The following BICD1 variants were observed in gnomAD, a reference collection of about 807,000 sequenced individuals.
BICD1 encodes protein bicaudal D homolog 1.
In BICD1, 35 loss-of-function variants were observed where a neutral mutation model predicts 92.5. That is an observed-to-expected ratio of 0.38 (90% CI 0.29 to 0.50). The LOEUF (loss-of-function observed/expected upper bound fraction) is 0.50. Ranked by LOEUF, BICD1 falls within the 20% of genes least tolerant of loss-of-function variation. The pLI is 0.93. For missense variants in BICD1, 950 were observed against 1,189.8 expected, an observed-to-expected ratio of 0.80 and a Z score of 2.97; for synonymous variants, 429 against 465.1, an observed-to-expected ratio of 0.92 and a Z score of 1.00.
rs1182137507 is a variant in BICD1, at chr12:32,383,600, C to T, written c.*5973C>T. The stretch of plus-strand genomic sequence containing the variant: ...ATATGGTGTAATGCATAACTTTTTC[C>T]AGTAAATAAACTGGTTATTTTTTGT... On this transcript the variant is annotated 3_prime_UTR_variant, in exon 10 of 10. Coordinates refer to ENST00000652176, the MANE Select transcript of BICD1 (RefSeq NM_001714.4). 1 of 152,080 alleles carries T rather than the reference C, an allele frequency of 6.6e-6. No individual in the cohort carries two copies. Among genetic ancestry groups the T allele is most frequent in the Non-Finnish European group, 1.5e-5 (1 of 68,000 alleles). The allele number at this position is 152,080 out of a possible 1,614,324, so 9.4% of individuals were successfully genotyped here.
chr12:32,287,626 T>C (rs903081755), intron 2 of BICD1, among the ~76,000 whole-genome samples: 3 of 151,012 alleles, frequency 2.0e-5, no homozygotes, highest in Non-Finnish European at 4.4e-5. Context: ...AAGCTCTGCC[T>C]CCTGGGTTCA....
At chr12:32,234,746 G>T (rs2136066911) in intron 2 of BICD1, among the ~76,000 whole-genome samples, 1 of 147,024 alleles carries the variant, frequency 6.8e-6, no homozygotes, top group Middle Eastern at 3.6e-3. Context: ...CACAATTTTG[G>T]CTTGCTGCAA....
At chr12:32,373,280 T>G (rs1242336352) in intron 9 of BICD1, among the ~76,000 whole-genome samples, 1 of 152,180 alleles carries the variant, frequency 6.6e-6, no homozygotes, top group African/African-American at 2.4e-5. Flanking sequence ...TGATTATAAT[T>G]TATCAAATAT....
intron 8 of BICD1, among the ~76,000 whole-genome samples, chr12:32,361,042 T>C (rs778802008): frequency 2.0e-5 from 3 of 152,180 alleles, no homozygotes; most frequent in African/African-American, 7.2e-5. Context: ...GAAATAGCAG[T>C]GTGATGTGGC....
chr12:32,331,005 G>A (rs2136269735), intron 5 of BICD1, among the ~76,000 whole-genome samples: 1 of 152,240 alleles, frequency 6.6e-6, no homozygotes, highest in Middle Eastern at 3.4e-3. Context: ...GTGGTGGCGG[G>A]TGCCTGTAAT....
At chr12:32,155,588 A>T (rs79485938) in intron 1 of BICD1, among the ~76,000 whole-genome samples, 1,846 of 152,362 alleles carry the variant, frequency 0.012, 32 homozygotes, top group African/African-American at 0.041. Context: ...CTTGTAAAAT[A>T]CAAAGAGATC....
chr12:32,242,462 C>T (rs182879778), intron 2 of BICD1, among the ~76,000 whole-genome samples: 3 of 151,820 alleles, frequency 2.0e-5, no homozygotes, highest in East Asian at 1.9e-4. Flanking sequence ...AGGAGGCGGA[C>T]GTTGCAGTGA....
chr12:32,325,147 GT>G (rs57917790), intron 4 of BICD1, among the ~76,000 whole-genome samples: 33,367 of 149,874 alleles, frequency 0.22, 4,064 homozygotes, highest in East Asian at 0.58. Context: ...CTCCATTTAT[GT>G]TTTTTTTTTT....
chr12:32,121,944 G>T (rs1188890488), intron 1 of BICD1, among the ~76,000 whole-genome samples: 1 of 151,790 alleles, frequency 6.6e-6, no homozygotes, highest in Non-Finnish European at 1.5e-5. Flanking sequence ...CTCCTGAGTA[G>T]CTGGGACTAC....
At chr12:32,334,330 C>T (rs926882377) in intron 5 of BICD1, among the ~76,000 whole-genome samples, 186 bp from the exon 6 acceptor site, 1 of 152,164 alleles carries the variant, frequency 6.6e-6, no homozygotes, top group East Asian at 1.9e-4. Flanking sequence ...TATGAATTCA[C>T]AACACATTTT....
chr12:32,224,284 A>T (rs1945619916), intron 2 of BICD1, among the ~76,000 whole-genome samples: 1 of 152,232 alleles, frequency 6.6e-6, no homozygotes, highest in Non-Finnish European at 1.5e-5. Flanking sequence ...CAGTGCACCA[A>T]ACAGTGAAGA....
intron 2 of BICD1, among the ~76,000 whole-genome samples, chr12:32,217,225 G>A (rs1167346010): frequency 6.6e-6 from 1 of 152,170 alleles, no homozygotes; most frequent in Non-Finnish European, 1.5e-5. Context: ...GAAAGCTATA[G>A]AAGAGACGCA....
Position 32,155,113 on chromosome 12 carries a change from G to A in BICD1, c.213+47569G>A, listed in dbSNP as rs190241468. 2.6e-5 allele frequency among the ~76,000 whole-genome samples: 4 copies of A among 152,134 alleles called. No individual in the cohort carries two copies. In the East Asian group the frequency reaches 7.7e-4, roughly 29 times the overall value. ...TTTATTATTTTTGCAGTTAATAAATGTATTTTAAGTTTTTAAATCCACAGT... is the reference window on the plus strand; with the variant it reads ...TTTATTATTTTTGCAGTTAATAAATATATTTTAAGTTTTTAAATCCACAGT... On this transcript the variant is annotated intron_variant, in intron 1 of 9. Coordinates refer to ENST00000652176, the MANE Select transcript of BICD1 (RefSeq NM_001714.4).
chr12:32,135,632 C>T (rs1942710511), intron 1 of BICD1, among the ~76,000 whole-genome samples: 1 of 152,004 alleles, frequency 6.6e-6, no homozygotes, highest in African/African-American at 2.4e-5. Flanking sequence ...AATTCCTTGC[C>T]TCAAGCGATC....
At position 32,364,854 on chromosome 12, in the gene BICD1, G is replaced by A. The variant is rs11051956; in HGVS notation, c.2765-2816G>A. On this transcript the variant is annotated intron_variant, in intron 8 of 9. Coordinates refer to ENST00000652176, the MANE Select transcript of BICD1 (RefSeq NM_001714.4). ...TGGTCCCAGCTACTCAAGAGGCTGAGGCAGGAGGATCACTTGAGCCCAGGC... is the reference window on the plus strand; with the variant it reads ...TGGTCCCAGCTACTCAAGAGGCTGAAGCAGGAGGATCACTTGAGCCCAGGC... 0.027 allele frequency among the ~76,000 whole-genome samples: 4,166 copies of A among 152,246 alleles called. 269 individuals carry two copies. In the East Asian group the frequency reaches 0.28, roughly 10 times the overall value.
At chr12:32,131,043 C>T (rs1942527769) in intron 1 of BICD1, among the ~76,000 whole-genome samples, 1 of 152,026 alleles carries the variant, frequency 6.6e-6, no homozygotes, top group South Asian at 2.1e-4. Flanking sequence ...TCATGTTGGC[C>T]AGGCTGGTCT....
At chr12:32,179,280 T>C (rs1565568421) in intron 1 of BICD1, among the ~76,000 whole-genome samples, 1 of 151,880 alleles carries the variant, frequency 6.6e-6, no homozygotes, top group Non-Finnish European at 1.5e-5. Flanking sequence ...AGAAACCCAT[T>C]TACACCAGTT....
At chr12:32,277,412 G>A (rs1366944365) in intron 2 of BICD1, among the ~76,000 whole-genome samples, 3 of 152,024 alleles carry the variant, frequency 2.0e-5, no homozygotes, top group African/African-American at 4.8e-5. Context: ...AAAACAAACA[G>A]TAACAGTTAC....
At chr12:32,262,881 C>T (rs1407189003) in intron 2 of BICD1, among the ~76,000 whole-genome samples, 4 of 152,116 alleles carry the variant, frequency 2.6e-5, no homozygotes, top group Non-Finnish European at 4.4e-5. Flanking sequence ...TGGTGGCTCA[C>T]GCCTGTAATC....
Sources: gnomAD v4.1 joint callset for allele counts (sites outside exome capture counted in the v4.1 genomes callset) on GRCh38, gnomAD v4.1.1 for gene constraint, MANE v1.5 for transcripts, NCBI Gene and HGNC (gene_info 2026-07-23, HGNC 2026-07-21) for gene names.